FOCAD: variants seen among roughly 807,000 people sequenced by gnomAD.
The protein encoded by FOCAD is KIAA1797.
A neutral mutation model predicts 225.6 loss-of-function variants in FOCAD; 198 were observed. The ratio of observed to expected loss-of-function variants is 0.88; its 90% CI spans 0.78 to 0.99. FOCAD has a LOEUF of 0.99. Among genes scored for constraint, FOCAD ranks in the 50% least tolerant of loss-of-function variants. FOCAD has a pLI of 0.00. For missense variants in FOCAD, 2,713 were observed against 2,123.6 expected (o/e 1.28, Z -5.46); for synonymous variants, 897 against 755.0 (o/e 1.19, Z -3.08).
rs753524359 is a variant in FOCAD, at chr9:20,761,306, A to T, written c.494+3115A>T. Among the ~76,000 whole-genome samples, 32 of 152,342 alleles carry T rather than the reference A, an allele frequency of 2.1e-4. 2 individuals carry two copies. Among genetic ancestry groups the T allele is most frequent in the Non-Finnish European group, 5.9e-5 (4 of 68,032 alleles). ...TTTTAGGCTGGGTTACTTTAAGATT[A>T]TCTAGTCTAACATAATTTTTCAGAT... On this transcript the variant is annotated intron_variant, in intron 6 of 43. Coordinates refer to ENST00000338382, the MANE Select transcript of FOCAD (RefSeq NM_001375567.1).
At chr9:20,820,467 C>A in intron 13 of FOCAD, 42 bp downstream of exon 13, 1 of 1,516,968 alleles carries the variant, frequency 6.6e-7, no homozygotes, top group African/African-American at 1.4e-5. Flanking sequence ...AAATATGTTC[C>A]TTTCACTGAA....
At chr9:20,937,924 T>G (rs985447907) in intron 28 of FOCAD, among the ~76,000 whole-genome samples, 1 of 152,084 alleles carries the variant, frequency 6.6e-6, no homozygotes, top group African/African-American at 2.4e-5. Flanking sequence ...GCAAAGGATA[T>G]GAACAGACAC....
chr9:20,850,294 G>A (rs1241802795), intron 15 of FOCAD, among the ~76,000 whole-genome samples: 1 of 151,474 alleles, frequency 6.6e-6, no homozygotes. Flanking sequence ...CAAAAACATT[G>A]TATTATTTTA....
chr9:20,946,897 A>G, intron 30 of FOCAD, 77 bp downstream of exon 30: 4 of 1,544,268 alleles, frequency 2.6e-6, no homozygotes, highest in Non-Finnish European at 3.5e-6. Flanking sequence ...CTTACTCTGA[A>G]TTAGAGTATA....
intron 35 of FOCAD, among the ~76,000 whole-genome samples, chr9:20,962,858 T>A (rs1838880495): frequency 6.6e-6 from 1 of 152,204 alleles, no homozygotes; most frequent in African/African-American, 2.4e-5. Flanking sequence ...TATTTCTTTT[T>A]ATCTAAAAAA....
At chr9:20,795,736 A>G (rs10964704) in intron 11 of FOCAD, among the ~76,000 whole-genome samples, 29,113 of 138,924 alleles carry the variant, frequency 0.21, 3,178 homozygotes, top group Non-Finnish European at 0.25. Flanking sequence ...GTGAGCTGAG[A>G]TCGCACCACT....
chr9:20,773,161 T>C (rs1818404339), intron 8 of FOCAD, among the ~76,000 whole-genome samples: 1 of 152,208 alleles, frequency 6.6e-6, no homozygotes, highest in Admixed American at 6.5e-5. Flanking sequence ...TACAGTTTAG[T>C]CCTTTTTAGT....
chr9:20,809,610 T>G (rs573973026), intron 11 of FOCAD, among the ~76,000 whole-genome samples: 1 of 152,212 alleles, frequency 6.6e-6, no homozygotes, highest in Non-Finnish European at 1.5e-5. Context: ...TTAAAATGTT[T>G]CCTTGTTCTT....
intron 15 of FOCAD, among the ~76,000 whole-genome samples, chr9:20,845,754 A>G (rs1300661230): frequency 6.6e-6 from 1 of 152,024 alleles, no homozygotes; most frequent in Non-Finnish European, 1.5e-5. Context: ...GCTTTTCTGC[A>G]TAGGATATAA....
chr9:20,749,651 G>A (rs1203738734), intron 5 of FOCAD, among the ~76,000 whole-genome samples: 1 of 152,072 alleles, frequency 6.6e-6, no homozygotes, highest in East Asian at 1.9e-4. Context: ...AAGCACCAGG[G>A]TCACAGCTGC....
chr9:20,658,068 G>GC, upstream of FOCAD, among the ~76,000 whole-genome samples: 1 of 148,414 alleles, frequency 6.7e-6, no homozygotes, highest in Non-Finnish European at 1.5e-5. Flanking sequence ...CTGCTGGGGG[G>GC]TGCCTCCCAG....
chr9:20,783,214 A>T (rs1819573219), intron 10 of FOCAD, among the ~76,000 whole-genome samples: 1 of 152,180 alleles, frequency 6.6e-6, no homozygotes, highest in African/African-American at 2.4e-5. Context: ...GAATCTTATT[A>T]TTAACACTAA....
At chr9:20,847,910 T>G (rs1337629862) in intron 15 of FOCAD, among the ~76,000 whole-genome samples, 1 of 152,078 alleles carries the variant, frequency 6.6e-6, no homozygotes, top group African/African-American at 2.4e-5. Context: ...AAATTAATTT[T>G]AATTATAGAA....
chr9:20,800,894 G>A (rs1288312586), intron 11 of FOCAD, among the ~76,000 whole-genome samples: 1 of 152,150 alleles, frequency 6.6e-6, no homozygotes, highest in Non-Finnish European at 1.5e-5. Flanking sequence ...CTGGTGAGGA[G>A]CTGCATTCCT....
chr9:20,798,558 T>C (rs1264866179), intron 11 of FOCAD, among the ~76,000 whole-genome samples: 1 of 152,222 alleles, frequency 6.6e-6, no homozygotes, highest in Admixed American at 6.5e-5. Context: ...ATTCAACTTC[T>C]TCCTGGTTTA....
chr9:20,742,875 A>T (rs1827745012), intron 5 of FOCAD, among the ~76,000 whole-genome samples: 1 of 152,212 alleles, frequency 6.6e-6, no homozygotes, highest in African/African-American at 2.4e-5. Context: ...GTCTTTAGAT[A>T]CGTGGCACAT....
intron 35 of FOCAD, among the ~76,000 whole-genome samples, chr9:20,954,791 C>G (rs905253458): frequency 2.6e-5 from 4 of 152,286 alleles, no homozygotes; most frequent in Admixed American, 2.6e-4. Context: ...GTCAGGTTTG[C>G]TGACTAGATT....
At chr9:20,953,679 A>G (rs1385292494) in intron 35 of FOCAD, among the ~76,000 whole-genome samples, 1 of 152,214 alleles carries the variant, frequency 6.6e-6, no homozygotes, top group African/African-American at 2.4e-5. Context: ...TTAATAATAC[A>G]CATATAGTTT....
At chr9:20,899,692 C>G (rs1463813601) in intron 21 of FOCAD, among the ~76,000 whole-genome samples, 1 of 151,916 alleles carries the variant, frequency 6.6e-6, no homozygotes, top group Non-Finnish European at 1.5e-5. Flanking sequence ...GGTTGCTAAA[C>G]TAAGTAATTT....
Sources: allele counts gnomAD v4.1 joint callset (sites outside exome capture counted in the v4.1 genomes callset), GRCh38; gene constraint gnomAD v4.1.1; transcripts MANE v1.5; gene names NCBI Gene and HGNC (gene_info 2026-07-23, HGNC 2026-07-21).